Variants in PLEKHM2 observed in about 807,000 individuals in gnomAD.
PLEKHM2 encodes the protein pleckstrin homology domain-containing family M member 2.
PLEKHM2 carries 77 observed loss-of-function variants against 116.3 expected under a neutral mutation model. That is an observed-to-expected ratio of 0.66 (90% CI 0.55 to 0.80). The LOEUF is 0.80. Among genes scored for constraint, PLEKHM2 ranks in the 30% least tolerant of loss-of-function variants. The pLI, the probability that PLEKHM2 is intolerant of heterozygous loss-of-function variation, is 0.00. For missense variants in PLEKHM2, 1,183 were observed against 1,354.9 expected (o/e 0.87, Z 1.99); for synonymous variants, 562 against 571.0 (o/e 0.98, Z 0.22).
At chr1:15,710,665 G>C (rs1641314286) in intron 1 of PLEKHM2, among the ~76,000 whole-genome samples, 1 of 152,106 alleles carries the variant, frequency 6.6e-6, no homozygotes, top group Non-Finnish European at 1.5e-5. Flanking sequence ...AGGGGGCTGG[G>C]GTGGACTTGT....
intron 1 of PLEKHM2, among the ~76,000 whole-genome samples, chr1:15,698,547 TTC>T (rs1415212456): frequency 1.5e-4 from 17 of 116,096 alleles, no homozygotes; most frequent in African/African-American, 6.0e-4. Context: ...CTTTCTTTCT[TTC>T]TTTTTTTTTT....
At chr1:15,716,556 A>G in intron 2 of PLEKHM2, 151 bp from the exon 3 acceptor site, 2 of 740,290 alleles carry the variant, frequency 2.7e-6, no homozygotes, top group Non-Finnish European at 4.5e-6. Flanking sequence ...TTTGCCACAA[A>G]TGATATGATG....
chr1:15,717,853 G>T, intron 3 of PLEKHM2, 40 bp from the exon 4 acceptor site: 1 of 1,323,114 alleles, frequency 7.6e-7, no homozygotes. Flanking sequence ...CCAGCAGTCT[G>T]AGAGGCCTTC....
rs369410677 is a variant in PLEKHM2, at chr1:15,684,697, G to GGCGACCCGCAGCAGGGACTC, written c.60+80_60+81insCGACCCGCAGCAGGGACTCG. On this transcript the variant is annotated intron_variant, in intron 1 of 19. Transcript: ENST00000375799. ...CCCTCCGGCGGCGCTCTCCCGGGCC[G>GGCGACCCGCAGCAGGGACTC]GGGCCCCCCGCCCTTCCCCTCCGCG... is the stretch of plus-strand genomic sequence containing the variant. 4.7e-5 allele frequency: 37 copies of GGCGACCCGCAGCAGGGACTC among 795,372 alleles called. No individual in the cohort carries two copies. In the African/African-American group the frequency reaches 6.3e-4, roughly 13 times the overall value. The allele number at this position is 795,372 out of a possible 1,614,324, so 49.3% of individuals were successfully genotyped here.
chr1:15,721,121 G>A lies in PLEKHM2; in HGVS notation c.653-208G>A, dbSNP rs536051987. On this transcript the variant is annotated intron_variant, in intron 6 of 19. Transcript: ENST00000375799. The surrounding 1 kb of genome is among the most constrained non-coding windows in gnomAD (Gnocchi z 5.1). ...TCACCCTGACAGGTCTTTCCAGCTG[G>A]TTGGAGGCTCCTGGGCCAGCGCCTG... The A allele has an allele frequency of 1.9e-5, 10 of 532,688 alleles. No individual in the cohort carries two copies. The Admixed American group carries it at 2.1e-4, about 11-fold the overall frequency. 33.0% of individuals were successfully genotyped at this position (532,688 alleles called of 1,614,324 possible). A position where few individuals can be genotyped will look rare whatever the true frequency, so the allele number is the denominator to read the frequency against.
At chr1:15,724,592 G>A (rs2068037348) in intron 7 of PLEKHM2, among the ~76,000 whole-genome samples, 1 of 152,034 alleles carries the variant, frequency 6.6e-6, no homozygotes, top group African/African-American at 2.4e-5. Flanking sequence ...GAAGCAGCCT[G>A]GGGGGCGGCC....
At chr1:15,716,898 C>G in intron 3 of PLEKHM2, 82 bp downstream of exon 3, 2 of 1,523,044 alleles carry the variant, frequency 1.3e-6, no homozygotes, top group Non-Finnish European at 1.8e-6. Context: ...CAGGTTTACC[C>G]TCAGGGTCAG....
In PLEKHM2 at chr1:15,733,856, C is replaced by A. The variant is rs2068185145; in HGVS notation, c.2982C>A (p.Ala994=). 2 of 1,612,992 alleles carry A rather than the reference C, an allele frequency of 1.2e-6. No individual in the cohort carries two copies. Among genetic ancestry groups the A allele is most frequent in the East Asian group, 2.2e-5 (1 of 44,888 alleles). The change falls in exon 20 of 20, where the codon GCC becomes GCA. Residue 994 remains alanine (A), a synonymous_variant. Transcript: ENST00000375799. The part of the protein sequence containing the change: ...EASNKKKFED[A]LSLIHSAWQR... ...CCAACAAGAAGAAATTCGAGGATGC[C>A]TTGAGCCTCATCCACAGCGCCTGGC... is the stretch of plus-strand genomic sequence containing the variant.
intron 14 of PLEKHM2, among the ~76,000 whole-genome samples, chr1:15,730,135 C>G (rs2068119846): frequency 6.6e-6 from 1 of 152,198 alleles, no homozygotes; most frequent in Non-Finnish European, 1.5e-5. Flanking sequence ...TGGGGTGTGT[C>G]CTAAGGTTAA....
chr1:15,720,128 TTATATA>T (rs144815982), intron 6 of PLEKHM2, among the ~76,000 whole-genome samples: 6 of 115,892 alleles, frequency 5.2e-5, no homozygotes, highest in South Asian at 5.2e-4. Context: ...AAAGCTGAAA[TTATATA>T]TATATATATA....
chr1:15,686,253 C>G (rs1045449517), intron 1 of PLEKHM2, among the ~76,000 whole-genome samples: 3 of 152,128 alleles, frequency 2.0e-5, no homozygotes, highest in Non-Finnish European at 4.4e-5. Flanking sequence ...AAATGTCACA[C>G]TAGAAACTGC....
At chr1:15,695,047 C>T (rs187599180) in intron 1 of PLEKHM2, among the ~76,000 whole-genome samples, 9 of 152,316 alleles carry the variant, frequency 5.9e-5, no homozygotes, top group Admixed American at 1.3e-4. Flanking sequence ...CATGAGCCAC[C>T]GCACCTGGCC....
At position 15,732,704 on chromosome 1, in the gene PLEKHM2, C is replaced by T. The variant is rs1158141115; in HGVS notation, c.2898C>T (p.Asn966=). Residue 966 remains asparagine (N), a synonymous_variant, in exon 19 of 20, where the codon AAC becomes AAT. Coordinates refer to ENST00000375799, the MANE Select transcript of PLEKHM2 (RefSeq NM_015164.4). ...TGGACCGATTGCTGTCTGCACTGAA[C>T]TCTGGGTGGAAAACCATCTATCAGG... The part of the protein sequence containing the change: ...SELDRLLSAL[N]SGWKTIYQVD... 6.2e-7 allele frequency: 1 copy of T among 1,609,386 alleles called. No individual in the cohort carries two copies.
Position 15,716,311 on chromosome 1 carries a change from G to C in PLEKHM2, c.135G>C (p.Leu45=). 6.2e-7 allele frequency: 1 copy of C among 1,605,988 alleles called. No homozygotes were observed. Among genetic ancestry groups the C allele is most frequent in the South Asian group, 1.1e-5 (1 of 89,520 alleles). Residue 45 remains leucine (L), a synonymous_variant, in exon 2 of 20, where the codon CTG becomes CTC. Coordinates refer to ENST00000375799, the MANE Select transcript of PLEKHM2 (RefSeq NM_015164.4). ...IRNHDKVLQR[L]CEHLDHALLY... ...ACCATGACAAGGTCCTACAGCGTCTGTGTGAGCACCTGGACCACGCCCTGC... is the reference window on the plus strand; with the variant it reads ...ACCATGACAAGGTCCTACAGCGTCTCTGTGAGCACCTGGACCACGCCCTGC...
chr1:15,719,746 C>G lies in PLEKHM2; in HGVS notation c.478C>G (p.Leu160Val). ...ACTCTCTCCTCAGGATGCCCCTTAC[C>G]TAGACCTGGCCCCCTACATGCCCGA... ...RFELDLDAPY[L>V]DLAPYMPDYY... The change falls in exon 6 of 20, where the codon CTA becomes GTA. Residue 160 changes from leucine to valine, a missense_variant. Physicochemically the swap from Leu to Val is conservative, Grantham distance 32. Transcript: ENST00000375799. The surrounding 1 kb of genome is among the most constrained non-coding windows in gnomAD (Gnocchi z 4.1). 1 of 1,612,514 alleles carries G rather than the reference C, an allele frequency of 6.2e-7. No individual in the cohort carries two copies. Among genetic ancestry groups the G allele is most frequent in the Non-Finnish European group, 8.5e-7 (1 of 1,179,078 alleles).
chr1:15,689,079 T>A (rs987578251), intron 1 of PLEKHM2, among the ~76,000 whole-genome samples: 3 of 151,554 alleles, frequency 2.0e-5, no homozygotes, highest in Non-Finnish European at 4.4e-5. Flanking sequence ...AGAAACCCCA[T>A]CTCTATTAAA....
chr1:15,732,067 T>C lies in PLEKHM2; in HGVS notation c.2625+19T>C, dbSNP rs375117040. ...CAAAGGGGTGAGCTTCGCCTGCCCC[T>C]ACCGCTCACCTGGCTTGCCTGACCC... On this transcript the variant is annotated intron_variant, in intron 17 of 19. Transcript: ENST00000375799. 1.2e-6 allele frequency: 2 copies of C among 1,605,072 alleles called. No homozygotes were observed. The highest frequency in any genetic ancestry group is 2.7e-5 in the African/African-American group (2 of 74,766).
At chr1:15,713,736 T>TAC (rs1448119296) in intron 1 of PLEKHM2, among the ~76,000 whole-genome samples, 9 of 148,428 alleles carry the variant, frequency 6.1e-5, no homozygotes, top group Non-Finnish European at 1.0e-4. Flanking sequence ...CCCGGGTTCC[T>TAC]GCCATTCTCC....
chr1:15,718,581 AC>A lies in PLEKHM2; in HGVS notation c.423del (p.Leu142TrpfsTer5). 1 of 1,573,732 alleles carries A rather than the reference AC, an allele frequency of 6.4e-7. No individual in the cohort carries two copies. The highest frequency in any genetic ancestry group is 8.6e-7 in the Non-Finnish European group (1 of 1,158,742). On this transcript the variant is annotated frameshift_variant, in exon 5 of 20. Transcript: ENST00000375799. LOFTEE classifies it high-confidence loss of function. ...CSHDHLTLFL[T>X]LVSGLEFIRF... ...CCACGATCACCTGACGCTCTTCCTG[AC>A]CTTGGTGTCCGGGCTAGAGTTCATT...
Sources: gnomAD v4.1 joint callset for allele counts (sites outside exome capture counted in the v4.1 genomes callset) on GRCh38, gnomAD v4.1.1 for gene constraint, Gnocchi (gnomAD v3.1) non-coding constraint, MANE v1.5 for transcripts, NCBI Gene and HGNC (gene_info 2026-07-23, HGNC 2026-07-21) for gene names.